The following HSD17B12 variants were observed in gnomAD, a reference collection of about 807,000 sequenced individuals.
HSD17B12 encodes the protein very-long-chain 3-oxoacyl-CoA reductase.
Under a neutral mutation model 39.3 loss-of-function variants are expected in HSD17B12, and 32 were observed. The observed-to-expected ratio is 0.81, with a 90% CI of 0.61 to 1.09. HSD17B12 has a LOEUF of 1.09. Ranked by LOEUF, HSD17B12 falls within the 50% of genes least tolerant of loss-of-function variation. The probability of loss-of-function intolerance (pLI) is 0.00; values close to 1 mark genes in which losing one functional copy is unlikely to be tolerated. For missense variants in HSD17B12, 342 were observed against 382.9 expected, an observed-to-expected ratio of 0.89 and a Z score of 0.89; for synonymous variants, 150 against 146.7, an observed-to-expected ratio of 1.02 and a Z score of -0.16.
rs562955989 is a variant in HSD17B12, at chr11:43,697,533, G to A, written c.160+16546G>A. Among the ~76,000 whole-genome samples, 3 of 152,282 alleles carry A rather than the reference G, an allele frequency of 2.0e-5. No individual in the cohort carries two copies. In the East Asian group the frequency reaches 5.8e-4, roughly 29 times the overall value. On this transcript the variant is annotated intron_variant, in intron 1 of 10. Coordinates refer to ENST00000278353, the MANE Select transcript of HSD17B12 (RefSeq NM_016142.3). ...TAGTAAAAGAGAGCTAAAATATAGAGAGGTCAAGCAGTTTACCCAAAGTCA... is the reference window on the plus strand; with the variant it reads ...TAGTAAAAGAGAGCTAAAATATAGAAAGGTCAAGCAGTTTACCCAAAGTCA...
At chr11:43,820,319 T>C (rs1951169527) in intron 6 of HSD17B12, among the ~76,000 whole-genome samples, 1 of 152,204 alleles carries the variant, frequency 6.6e-6, no homozygotes, top group Admixed American at 6.5e-5. Flanking sequence ...ATGCATGTGT[T>C]TTTCTTACTT....
chr11:43,775,611 A>T (rs1050034130), intron 3 of HSD17B12, among the ~76,000 whole-genome samples: 2 of 150,486 alleles, frequency 1.3e-5, no homozygotes, highest in Non-Finnish European at 3.0e-5. Flanking sequence ...TTATTTATTT[A>T]TTTTTTATTA....
At chr11:43,561,480 G>C in the HSD17B12 span, among the ~76,000 whole-genome samples, 1 of 152,172 alleles carries the variant, frequency 6.6e-6, no homozygotes, top group African/African-American at 2.4e-5. Flanking sequence ...TCACCTACTA[G>C]GGAGCAAAGC....
the HSD17B12 span, among the ~76,000 whole-genome samples, chr11:43,603,677 C>A: frequency 6.6e-6 from 1 of 152,048 alleles, no homozygotes; most frequent in South Asian, 2.1e-4. Context: ...AAAAATAAAA[C>A]CTTCTTTTGT....
chr11:43,792,114 G>A (rs937393501), intron 3 of HSD17B12, among the ~76,000 whole-genome samples: 1 of 152,108 alleles, frequency 6.6e-6, no homozygotes, highest in Non-Finnish European at 1.5e-5. Flanking sequence ...TTTCTTTGTT[G>A]GGGGATGTCT....
At chr11:43,693,975 A>T (rs1020542022) in intron 1 of HSD17B12, among the ~76,000 whole-genome samples, 2 of 152,208 alleles carry the variant, frequency 1.3e-5, no homozygotes, top group Non-Finnish European at 2.9e-5. Flanking sequence ...ACTGTCTGTC[A>T]TGTGTAAGGA....
intron 3 of HSD17B12, 144 bp from the exon 4 acceptor site, chr11:43,798,176 G>A (rs1166614201): frequency 3.3e-6 from 2 of 601,418 alleles, no homozygotes; most frequent in African/African-American, 1.9e-5. Flanking sequence ...TCTCATGATT[G>A]CTTAAAATTA....
the HSD17B12 span, among the ~76,000 whole-genome samples, chr11:43,639,503 A>G: frequency 3.9e-5 from 6 of 152,230 alleles, no homozygotes; most frequent in Admixed American, 2.6e-4. Flanking sequence ...ACAAGGCAAA[A>G]TGAGAGGGAG....
the HSD17B12 span, among the ~76,000 whole-genome samples, chr11:43,568,440 G>A: frequency 6.6e-6 from 1 of 152,054 alleles, no homozygotes; most frequent in African/African-American, 2.4e-5. Flanking sequence ...CAGCCCTCGA[G>A]GCAATTAATT....
rs534117083 is a variant in HSD17B12 at position 43,843,462 on chromosome 11, G to A, written c.684+3398G>A. On this transcript the variant is annotated intron_variant, in intron 9 of 10. Transcript: ENST00000278353. Reference sequence around the variant, plus strand: ...TGTTGCTTTCCTTCCTAGTCCTCCAGTGGCTGCCCATAAGGTTTAGGATTA... The same window carrying A: ...TGTTGCTTTCCTTCCTAGTCCTCCAATGGCTGCCCATAAGGTTTAGGATTA... Among the ~76,000 whole-genome samples, 3 of 152,234 alleles carry A rather than the reference G, an allele frequency of 2.0e-5. No individual in the cohort carries two copies. In the South Asian group the frequency reaches 6.2e-4, roughly 32 times the overall value.
intron 1 of HSD17B12, among the ~76,000 whole-genome samples, chr11:43,721,323 G>A (rs1208013649): frequency 6.6e-6 from 1 of 152,038 alleles, no homozygotes; most frequent in Non-Finnish European, 1.5e-5. Context: ...CATGGGGTAA[G>A]AGTGTTCCAG....
chr11:43,583,625 G>A, the HSD17B12 span, among the ~76,000 whole-genome samples: 2 of 152,016 alleles, frequency 1.3e-5, no homozygotes, highest in Non-Finnish European at 2.9e-5. Context: ...AGCCCAGTGG[G>A]AGCTGATCTC....
chr11:43,642,154 GT>G, the HSD17B12 span, among the ~76,000 whole-genome samples: 1 of 151,694 alleles, frequency 6.6e-6, no homozygotes, highest in South Asian at 2.1e-4. Flanking sequence ...AAAAATTCAT[GT>G]GGTGAAATAG....
chr11:43,828,366 T>C (rs1488442364), intron 6 of HSD17B12, among the ~76,000 whole-genome samples: 1 of 14,784 alleles, frequency 6.8e-5, no homozygotes, highest in East Asian at 2.7e-3. Flanking sequence ...ATGGTCTCGA[T>C]CTCCTGACCT....
the HSD17B12 span, among the ~76,000 whole-genome samples, chr11:43,650,370 G>A: frequency 1.3e-5 from 2 of 152,228 alleles, no homozygotes; most frequent in South Asian, 4.1e-4. Flanking sequence ...GAAAAGGTAC[G>A]CTCAAACTCA....
chr11:43,746,044 C>T (rs1259006470), intron 1 of HSD17B12, among the ~76,000 whole-genome samples: 1 of 152,042 alleles, frequency 6.6e-6, no homozygotes, highest in Non-Finnish European at 1.5e-5. Flanking sequence ...AAAAATGGCA[C>T]ATCTGTCTAG....
the HSD17B12 span, among the ~76,000 whole-genome samples, chr11:43,587,957 A>G: frequency 6.6e-6 from 1 of 152,192 alleles, no homozygotes. Flanking sequence ...TAGCACAGCA[A>G]GGGGCTTTAT....
intron 4 of HSD17B12, among the ~76,000 whole-genome samples, chr11:43,803,007 T>C (rs1433305195): frequency 1.3e-5 from 2 of 152,244 alleles, no homozygotes. Context: ...GTTTTCTTCC[T>C]ACTCTACCAC....
chr11:43,578,102 A>C, the HSD17B12 span, among the ~76,000 whole-genome samples: 1 of 152,202 alleles, frequency 6.6e-6, no homozygotes, highest in Non-Finnish European at 1.5e-5. Flanking sequence ...GTACATCCTC[A>C]AGCTGGCCCG....
Sources: allele counts gnomAD v4.1 joint callset (sites outside exome capture counted in the v4.1 genomes callset), GRCh38; gene constraint gnomAD v4.1.1; transcripts MANE v1.5; gene names NCBI Gene and HGNC (gene_info 2026-07-23, HGNC 2026-07-21).